Variants in SEPTIN9 observed in about 807,000 individuals in gnomAD.
SEPTIN9 encodes septin-9.
SEPTIN9 carries 13 observed loss-of-function variants against 56.6 expected under a neutral mutation model. That is an observed-to-expected ratio of 0.23 (90% CI 0.15 to 0.37). The LOEUF (loss-of-function observed/expected upper bound fraction) is 0.37, where lower values mean the gene tolerates loss of function less well. Among genes scored for constraint, SEPTIN9 ranks in the 10% least tolerant of loss-of-function variants. The pLI is 1.00. For synonymous variants in SEPTIN9, 332 were observed against 334.1 expected, an observed-to-expected ratio of 0.99 and a Z score of 0.07; for missense variants, 650 against 823.1, an observed-to-expected ratio of 0.79 and a Z score of 2.57.
intron 2 of SEPTIN9, among the ~76,000 whole-genome samples, chr17:77,315,332 G>A (rs547276905): frequency 6.6e-6 from 1 of 150,724 alleles, no homozygotes; most frequent in Non-Finnish European, 1.5e-5. Flanking sequence ...CTGTCGCCCA[G>A]GCTGGAGTGC....
intron 2 of SEPTIN9, among the ~76,000 whole-genome samples, chr17:77,359,678 C>T (rs1271339344): frequency 6.6e-6 from 1 of 152,082 alleles, no homozygotes; most frequent in Middle Eastern, 3.2e-3. Context: ...TAGACCCAGC[C>T]CCAGCTACTC....
At chr17:77,342,363 C>T (rs1242068084) in intron 2 of SEPTIN9, among the ~76,000 whole-genome samples, 7 of 152,306 alleles carry the variant, frequency 4.6e-5, no homozygotes, top group South Asian at 2.1e-4. Flanking sequence ...GAAAACACTT[C>T]ATTCCTTTTA....
intron 1 of SEPTIN9, among the ~76,000 whole-genome samples, chr17:77,299,771 G>A (rs2031956549): frequency 6.6e-6 from 1 of 152,236 alleles, no homozygotes; most frequent in Admixed American, 6.5e-5. Flanking sequence ...TGCTGCCCAT[G>A]CAGGCAGAGC....
rs1435293015 is a variant in SEPTIN9, at chr17:77,330,725, G to T, written c.76+23528G>T. Among the ~76,000 whole-genome samples, 2 of 152,224 alleles carry T rather than the reference G, an allele frequency of 1.3e-5. No homozygotes were observed. Among genetic ancestry groups the T allele is most frequent in the South Asian group, 2.1e-4 (1 of 4,834 alleles). On this transcript the variant is annotated intron_variant, in intron 2 of 11. Coordinates refer to ENST00000427177, the MANE Select transcript of SEPTIN9 (RefSeq NM_001113491.2). This position sits in a 1 kb window ranked among gnomAD's most constrained non-coding sequence, Gnocchi z 4.4. ...ACATGGCTTGACCATCACGGGGACT[G>T]GGGGAGAGGCACAGGCATGCCTGTC... is the stretch of plus-strand genomic sequence containing the variant.
At chr17:77,438,681 T>G (rs1024304876) in intron 3 of SEPTIN9, among the ~76,000 whole-genome samples, 42 of 151,712 alleles carry the variant, frequency 2.8e-4, no homozygotes, top group African/African-American at 9.7e-4. Flanking sequence ...CTCGGGAGGG[T>G]GCGCAGCCCT....
intron 3 of SEPTIN9, among the ~76,000 whole-genome samples, chr17:77,458,095 G>A (rs2038295908): frequency 6.6e-6 from 1 of 152,154 alleles, no homozygotes; most frequent in South Asian, 2.1e-4. Context: ...TCTGAGGGCT[G>A]TAACCTCTTC....
rs557624656 is a variant in SEPTIN9, at chr17:77,488,753, A to G, written c.1151A>G (p.Asn384Ser). 13 of 1,613,862 alleles carry G rather than the reference A, an allele frequency of 8.1e-6. No homozygotes were observed. The highest frequency in any genetic ancestry group is 4.0e-5 in the African/African-American group (3 of 75,030). ...TGGCAGCCCATCATGAAGTTCATCA[A>G]TGACCAGTACGAGAAATACCTGCAG... is the stretch of plus-strand genomic sequence containing the variant. ...NCWQPIMKFI[N>S]DQYEKYLQEE... The change falls in exon 7 of 12, where the codon AAT (asparagine) becomes AGT (serine). Residue 384 changes from asparagine to serine, a missense_variant. Around this residue, in one of 2 missense-constraint regions of SEPTIN9, gnomAD observed 333 missense variants for 494.0 expected, o/e 0.67. Coordinates refer to ENST00000427177, the MANE Select transcript of SEPTIN9 (RefSeq NM_001113491.2).
rs564031927 is a variant in SEPTIN9 at position 77,479,204 on chromosome 17, G to A, written c.722-2940G>A. 1.1e-4 allele frequency among the ~76,000 whole-genome samples: 17 copies of A among 152,366 alleles called. No individual in the cohort carries two copies. The East Asian group carries it at 2.9e-3, about 26-fold the overall frequency. On this transcript the variant is annotated intron_variant, in intron 3 of 11. Coordinates refer to ENST00000427177, the MANE Select transcript of SEPTIN9 (RefSeq NM_001113491.2). ...AAGTCACGTGGCCAGTGGCTACCAC[G>A]CTGAGCAGCGCAGGCCTCGGACGGT...
chr17:77,344,993 AAAAG>A (rs2033846831), intron 2 of SEPTIN9, among the ~76,000 whole-genome samples: 1 of 148,056 alleles, frequency 6.8e-6, no homozygotes, highest in Non-Finnish European at 1.5e-5. Flanking sequence ...AAAAAAAAAA[AAAAG>A]GAGATTCTGA....
chr17:77,472,948 G>C (rs1398901716), intron 3 of SEPTIN9, among the ~76,000 whole-genome samples: 1 of 152,220 alleles, frequency 6.6e-6, no homozygotes, highest in East Asian at 1.9e-4. Context: ...AAGAGAACAG[G>C]AAGTCCCCAG....
chr17:77,331,532 G>C (rs1347478180), intron 2 of SEPTIN9, among the ~76,000 whole-genome samples: 3 of 152,212 alleles, frequency 2.0e-5, no homozygotes, highest in Admixed American at 2.0e-4. Context: ...GCAGGGAGGC[G>C]GGTGGCAGCG....
At position 77,487,868 on chromosome 17, in the gene SEPTIN9, G is replaced by A. The variant is rs144499645; in HGVS notation, c.1042+316G>A. ...CCATGCCTTCCTGGAGCACTGGTGC[G>A]GTGTGAGGGTGCCCGAGTCAGGCAA... On this transcript the variant is annotated intron_variant, in intron 5 of 11. Coordinates refer to ENST00000427177, the MANE Select transcript of SEPTIN9 (RefSeq NM_001113491.2). The surrounding 1 kb of genome is among the most constrained non-coding windows in gnomAD (Gnocchi z 4.3). Among the ~76,000 whole-genome samples, 6 of 152,276 alleles carry A rather than the reference G, an allele frequency of 3.9e-5. No homozygotes were observed. The East Asian group carries it at 7.7e-4, about 20-fold the overall frequency.
chr17:77,351,373 T>G (rs2034060009), intron 2 of SEPTIN9, among the ~76,000 whole-genome samples: 1 of 152,144 alleles, frequency 6.6e-6, no homozygotes, highest in South Asian at 2.1e-4. Context: ...ATGTTTTTGT[T>G]GCTGCTCGTT....
intron 3 of SEPTIN9, among the ~76,000 whole-genome samples, chr17:77,415,499 C>T (rs529841085): frequency 4.6e-5 from 7 of 151,958 alleles, no homozygotes; most frequent in African/African-American, 7.2e-5. Context: ...CCCAGCTACT[C>T]GGTAGGCTGA....
rs762958472 is a variant in SEPTIN9, at chr17:77,437,101, C to T, written c.721+34398C>T. 2.4e-4 allele frequency among the ~76,000 whole-genome samples: 37 copies of T among 152,210 alleles called. 1 individual carries two copies. Among genetic ancestry groups the T allele is most frequent in the Admixed American group, 1.6e-3 (25 of 15,286 alleles). On this transcript the variant is annotated intron_variant, in intron 3 of 11. Coordinates refer to ENST00000427177, the MANE Select transcript of SEPTIN9 (RefSeq NM_001113491.2). This position sits in a 1 kb window ranked among gnomAD's most constrained non-coding sequence, Gnocchi z 5.3. ...GCGCCGACCTCCTGCTCTGCCTTCC[C>T]GTGCCCATTCGGTTGGCATCAGCAT...
intron 2 of SEPTIN9, among the ~76,000 whole-genome samples, chr17:77,351,866 AC>A (rs2143807871): frequency 6.6e-6 from 1 of 152,364 alleles, no homozygotes; most frequent in South Asian, 2.1e-4. Context: ...CCAGGACCAC[AC>A]AGGGGCCCCG....
intron 2 of SEPTIN9, among the ~76,000 whole-genome samples, chr17:77,363,087 T>G (rs559628061): frequency 6.6e-6 from 1 of 152,230 alleles, no homozygotes; most frequent in East Asian, 1.9e-4. Flanking sequence ...CTTGCTGAGC[T>G]CCACTCTGTA....
intron 1 of SEPTIN9, among the ~76,000 whole-genome samples, chr17:77,291,971 C>A (rs2031577067): frequency 6.6e-6 from 1 of 152,174 alleles, no homozygotes; most frequent in African/African-American, 2.4e-5. Flanking sequence ...GTCTGCTGGT[C>A]CCCCTGCGAA....
chr17:77,463,046 C>T (rs531989248), intron 3 of SEPTIN9, among the ~76,000 whole-genome samples: 136 of 152,108 alleles, frequency 8.9e-4, no homozygotes, highest in Non-Finnish European at 1.5e-3. Context: ...GTGGGGGTCT[C>T]GGCAAGACCT....
Sources: allele counts gnomAD v4.1 joint callset (sites outside exome capture counted in the v4.1 genomes callset), GRCh38; gene constraint gnomAD v4.1.1; regional missense constraint gnomAD v4.1.1; non-coding constraint Gnocchi (gnomAD v3.1); transcripts MANE v1.5; gene names NCBI Gene and HGNC (gene_info 2026-07-23, HGNC 2026-07-21).